DDRGK1: variants seen among roughly 807,000 people sequenced by gnomAD.
The protein encoded by DDRGK1 is DDRGK domain containing 1.
Under a neutral mutation model 45.8 loss-of-function variants are expected in DDRGK1, and 38 were observed. That is an observed-to-expected ratio of 0.83 (90% CI 0.64 to 1.09). The LOEUF (loss-of-function observed/expected upper bound fraction) is 1.09, where lower values mean the gene tolerates loss of function less well. DDRGK1 is among the 50% of genes least tolerant of loss of function. The pLI is 0.00. For missense variants in DDRGK1, 403 were observed against 419.9 expected (o/e 0.96, Z 0.35); for synonymous variants, 171 against 168.7 (o/e 1.01, Z -0.11).
chr20:3,203,817 G>A (rs958207081), intron 1 of DDRGK1, among the ~76,000 whole-genome samples: 3 of 152,170 alleles, frequency 2.0e-5, no homozygotes, highest in Non-Finnish European at 4.4e-5. Flanking sequence ...AGCCTCCCCC[G>A]GGAAGACCTG....
intron 7 of DDRGK1, 158 bp downstream of exon 7, chr20:3,191,607 A>G (rs1397540797): frequency 1.1e-6 from 1 of 885,364 alleles, no homozygotes; most frequent in South Asian, 1.4e-5. Flanking sequence ...TTAAAAATGC[A>G]GGATTCCCAG....
At chr20:3,202,172 T>C (rs1239671330) in intron 2 of DDRGK1, among the ~76,000 whole-genome samples, 1 of 150,764 alleles carries the variant, frequency 6.6e-6, no homozygotes, top group Non-Finnish European at 1.5e-5. Flanking sequence ...GCCAGGATGG[T>C]CTCGATCTCC....
intron 4 of DDRGK1, among the ~76,000 whole-genome samples, chr20:3,198,232 C>A (rs1218630786): frequency 1.3e-5 from 2 of 150,628 alleles, no homozygotes; most frequent in African/African-American, 4.9e-5. Flanking sequence ...ATGGTGAAAC[C>A]CTCTCTCTAC....
intron 8 of DDRGK1, 118 bp downstream of exon 8, chr20:3,191,072 T>G: frequency 7.2e-7 from 1 of 1,382,182 alleles, no homozygotes; most frequent in Admixed American, 1.9e-5. Context: ...TGCCCCTCCT[T>G]GCACACCCCT....
chr20:3,200,281 GA>G, intron 3 of DDRGK1, 60 bp downstream of exon 3: 6 of 1,520,670 alleles, frequency 3.9e-6, no homozygotes, highest in Non-Finnish European at 5.3e-6. Context: ...CTGCCTTAGG[GA>G]AAAAGGAAGG....
rs1270124118 is a variant in DDRGK1, at chr20:3,199,021, C to T, written c.510+980G>A. 4.0e-5 allele frequency among the ~76,000 whole-genome samples: 6 copies of T among 148,954 alleles called. 1 individual carries two copies. The highest frequency in any genetic ancestry group is 4.0e-4 in the Admixed American group (6 of 14,916). On this transcript the variant is annotated intron_variant, in intron 4 of 8. Coordinates refer to ENST00000354488, the MANE Select transcript of DDRGK1 (RefSeq NM_023935.3). Reference sequence around the variant, plus strand: ...AATTAGCCAGGCATGGTGGTGCACACCTATAGTCCCAGCTACTCGCAGGGA... The same window carrying T: ...AATTAGCCAGGCATGGTGGTGCACATCTATAGTCCCAGCTACTCGCAGGGA...
intron 2 of DDRGK1, 58 bp from the exon 3 acceptor site, chr20:3,200,512 G>T (rs111486670): frequency 6.8e-7 from 1 of 1,477,550 alleles, no homozygotes; most frequent in African/African-American, 1.4e-5. Flanking sequence ...TGATGACGAT[G>T]GATCCCCAAC....
intron 2 of DDRGK1, among the ~76,000 whole-genome samples, chr20:3,201,471 T>C (rs2067039258): frequency 7.4e-6 from 1 of 135,936 alleles, no homozygotes. Context: ...AGAGCAAGAC[T>C]CTGTCTCAAA....
chr20:3,191,697 C>A (rs776702409), intron 7 of DDRGK1, 68 bp downstream of exon 7: 24 of 1,512,350 alleles, frequency 1.6e-5, no homozygotes, highest in Non-Finnish European at 2.0e-5. Flanking sequence ...ATCTTTAGGG[C>A]AGGTCCTCTC....
At position 3,190,920 on chromosome 20, in the gene DDRGK1, C is replaced by T. The variant is rs946706289; in HGVS notation, c.779-101G>A. On this transcript the variant is annotated intron_variant, in intron 8 of 8. Coordinates refer to ENST00000354488, the MANE Select transcript of DDRGK1 (RefSeq NM_023935.3). ...CTTCACAGCTGGCTCAGGGCCCTTC[C>T]GGCCTCCTGCCTGCCTGGACTTTCC... The T allele has an allele frequency of 3.2e-5, 47 of 1,468,464 alleles. No homozygotes were observed. The African/African-American group carries it at 4.5e-4, about 14-fold the overall frequency. The allele number at this position is 1,468,464 out of a possible 1,614,324, so 91.0% of individuals were successfully genotyped here. A position where few individuals can be genotyped will look rare whatever the true frequency, so the allele number is the denominator to read the frequency against.
At chr20:3,203,542 A>G in intron 1 of DDRGK1, 126 bp from the exon 2 acceptor site, 6 of 1,302,582 alleles carry the variant, frequency 4.6e-6, no homozygotes, top group Non-Finnish European at 6.1e-6. Flanking sequence ...CAAGGCCCCG[A>G]CTTCTCAGTC....
intron 2 of DDRGK1, among the ~76,000 whole-genome samples, chr20:3,201,310 T>A (rs867261519): frequency 8.5e-4 from 96 of 113,592 alleles, no homozygotes; most frequent in African/African-American, 3.1e-3. Context: ...AAAAAAAAAA[T>A]TAGCCAGGTG....
chr20:3,195,002 C>A, intron 5 of DDRGK1, 134 bp from the exon 6 acceptor site: 1 of 1,343,782 alleles, frequency 7.4e-7, no homozygotes, highest in Non-Finnish European at 1.0e-6. Context: ...CAACCACCTG[C>A]ACATACCGCT....
At chr20:3,194,943 C>G (rs1460777160) in intron 5 of DDRGK1, 75 bp from the exon 6 acceptor site, 10 of 1,575,314 alleles carry the variant, frequency 6.3e-6, no homozygotes, top group Non-Finnish European at 8.7e-6. Context: ...ACCCAAGTAC[C>G]ACCTGCTCAC....
Position 3,191,760 on chromosome 20 carries a change from C to G in DDRGK1, c.729+5G>C. The G allele has an allele frequency of 6.2e-7, 1 of 1,601,928 alleles. No individual in the cohort carries two copies. Among genetic ancestry groups the G allele is most frequent in the Non-Finnish European group, 8.5e-7 (1 of 1,173,952 alleles). The stretch of plus-strand genomic sequence containing the variant: ...GCACACAGCAGGCCACGTTCCAGGG[C>G]TTACCTGAGTGCGTAGGCCCACCTG... On this transcript the variant is annotated splice_donor_5th_base_variant and intron_variant, in intron 7 of 8. Transcript: ENST00000354488.
chr20:3,199,286 G>C (rs983424597), intron 4 of DDRGK1, among the ~76,000 whole-genome samples: 1 of 152,216 alleles, frequency 6.6e-6, no homozygotes, highest in Non-Finnish European at 1.5e-5. Context: ...CAGGGGAGAA[G>C]AGCCAGGATA....
intron 4 of DDRGK1, among the ~76,000 whole-genome samples, chr20:3,197,271 G>A (rs903995340): frequency 6.6e-6 from 1 of 150,618 alleles, no homozygotes; most frequent in African/African-American, 2.4e-5. Context: ...TTAATGAATA[G>A]GGAAGGAGAG....
At position 3,192,116 on chromosome 20, in the gene DDRGK1, C is replaced by G. The variant is rs58961395; in HGVS notation, c.673-295G>C. Among the ~76,000 whole-genome samples the G allele has an allele frequency of 7.3e-3, 599 of 81,960 alleles. 2 individuals carry two copies. The highest frequency in any genetic ancestry group is 0.03 in the African/African-American group (559 of 18,542). The allele number at this position is 81,960 out of a possible 152,430, so 53.8% of individuals were successfully genotyped here. ...GCCTCATGGGCCCTGTCCTGGACTC[C>G]GAGACACACGAGTGGTAATCAGAGC... On this transcript the variant is annotated intron_variant, in intron 6 of 8. Coordinates refer to ENST00000354488, the MANE Select transcript of DDRGK1 (RefSeq NM_023935.3).
chr20:3,194,839 G>A lies in DDRGK1; in HGVS notation c.663C>T (p.Asn221=). The A allele has an allele frequency of 6.2e-7, 1 of 1,614,158 alleles. No individual in the cohort carries two copies. The highest frequency in any genetic ancestry group is 1.1e-5 in the South Asian group (1 of 91,080). The change falls in exon 6 of 9, where the codon AAC becomes AAT. Residue 221 remains asparagine (N), a synonymous_variant. Transcript: ENST00000354488. ...QSQSFLTEFI[N]YIKQSKVVLL... is the part of the protein sequence containing the mutation. The stretch of plus-strand genomic sequence containing the variant: ...TTCAGTGGCTTCTTACCTTGATGTA[G>A]TTGATGAACTCTGTCAGGAAGCTCT...
Sources: gnomAD v4.1 joint callset for allele counts (sites outside exome capture counted in the v4.1 genomes callset) on GRCh38, gnomAD v4.1.1 for gene constraint, MANE v1.5 for transcripts, NCBI Gene and HGNC (gene_info 2026-07-23, HGNC 2026-07-21) for gene names.